MMP16: variants seen among roughly 807,000 people sequenced by gnomAD.
MMP16 encodes matrix metallopeptidase 16.
Under a neutral mutation model 67.8 loss-of-function variants are expected in MMP16, and 12 were observed. The observed-to-expected ratio is 0.18, with a 90% CI of 0.11 to 0.29. The LOEUF (loss-of-function observed/expected upper bound fraction) is 0.29. Ranked by LOEUF, MMP16 falls within the 10% of genes least tolerant of loss-of-function variation. MMP16 has a pLI of 1.00. For missense variants in MMP16, 475 were observed against 765.7 expected (o/e 0.62, Z 4.48); for synonymous variants, 249 against 255.9 (o/e 0.97, Z 0.26).
At chr8:88,179,703 C>G (rs1198446986) in intron 3 of MMP16, among the ~76,000 whole-genome samples, 2 of 152,058 alleles carry the variant, frequency 1.3e-5, no homozygotes, top group Non-Finnish European at 2.9e-5. Context: ...ATTAGAAACT[C>G]TGTTATATCT....
At chr8:88,076,654 G>A (rs1031948232) in intron 6 of MMP16, among the ~76,000 whole-genome samples, 23 of 151,940 alleles carry the variant, frequency 1.5e-4, no homozygotes, top group African/African-American at 5.6e-4. Context: ...AAAATATGTC[G>A]GTGATATTCT....
intron 6 of MMP16, among the ~76,000 whole-genome samples, chr8:88,075,135 C>G (rs1222741187): frequency 6.6e-6 from 1 of 152,084 alleles, no homozygotes; most frequent in Non-Finnish European, 1.5e-5. Flanking sequence ...AATCTCCACA[C>G]CTACCATGTT....
chr8:88,110,029 T>A (rs1203468313), intron 6 of MMP16, among the ~76,000 whole-genome samples: 2 of 151,324 alleles, frequency 1.3e-5, no homozygotes, highest in Non-Finnish European at 3.0e-5. Context: ...ATGCCTTATT[T>A]GGAATTTTAC....
intron 1 of MMP16, among the ~76,000 whole-genome samples, chr8:88,222,083 T>C (rs549396930): frequency 1.4e-4 from 21 of 152,132 alleles, no homozygotes; most frequent in Admixed American, 5.9e-4. Flanking sequence ...AATAGCATTT[T>C]ATTATTGGGA....
At chr8:88,051,858 C>A (rs989483776) in intron 8 of MMP16, among the ~76,000 whole-genome samples, 4 of 152,004 alleles carry the variant, frequency 2.6e-5, no homozygotes, top group Non-Finnish European at 5.9e-5. Flanking sequence ...AGAAACATAG[C>A]ATTTTAAGCT....
intron 4 of MMP16, among the ~76,000 whole-genome samples, chr8:88,143,911 T>C (rs1808251077): frequency 6.6e-6 from 1 of 152,000 alleles, no homozygotes; most frequent in Admixed American, 6.6e-5. Context: ...TATACCCAAT[T>C]TAATTTCTCT....
intron 4 of MMP16, among the ~76,000 whole-genome samples, chr8:88,158,617 C>T (rs1372210054): frequency 6.6e-6 from 1 of 152,262 alleles, no homozygotes; most frequent in East Asian, 1.9e-4. Flanking sequence ...CTGTAGGTTG[C>T]CTGTTCACTC....
intron 4 of MMP16, among the ~76,000 whole-genome samples, chr8:88,153,543 G>A (rs1264339564): frequency 6.6e-6 from 1 of 152,018 alleles, no homozygotes; most frequent in Non-Finnish European, 1.5e-5. Context: ...ACAGAACAGA[G>A]CCCTCAGAAA....
Position 88,077,266 on chromosome 8 carries a change from G to A in MMP16, c.1084-2523C>T, listed in dbSNP as rs139201656. Among the ~76,000 whole-genome samples, 22 of 152,270 alleles carry A rather than the reference G, an allele frequency of 1.4e-4. No individual in the cohort carries two copies. The East Asian group carries it at 3.7e-3, about 25-fold the overall frequency. On this transcript the variant is annotated intron_variant, in intron 6 of 9. Transcript: ENST00000286614. ...AATTTAGAAAGCATCTGTCACAGTG[G>A]ATGTAAACTCATGTCATGGTTACTA...
intron 1 of MMP16, among the ~76,000 whole-genome samples, chr8:88,313,439 C>T (rs977702262): frequency 6.6e-6 from 1 of 152,132 alleles, no homozygotes; most frequent in African/African-American, 2.4e-5. Flanking sequence ...CAATTATTTG[C>T]TCCTCTATAT....
intron 4 of MMP16, among the ~76,000 whole-genome samples, chr8:88,135,352 A>G (rs1162380125): frequency 6.6e-6 from 1 of 151,970 alleles, no homozygotes; most frequent in East Asian, 1.9e-4. Flanking sequence ...TCTGAGGTCA[A>G]TAAAATAAGG....
At position 88,110,008 on chromosome 8, in the gene MMP16, A is replaced by G. The variant is rs191225949; in HGVS notation, c.1083+6499T>C. 9.2e-3 allele frequency among the ~76,000 whole-genome samples: 1,399 copies of G among 151,408 alleles called. 30 individuals carry two copies. Among genetic ancestry groups the G allele is most frequent in the African/African-American group, 0.031 (1,290 of 41,484 alleles). ...ATATATCCTAAATTCCAAAATATGT[A>G]TATTTTGTATATGCCTTATTTGGAA... is the stretch of plus-strand genomic sequence containing the variant. On this transcript the variant is annotated intron_variant, in intron 6 of 9. Transcript: ENST00000286614.
chr8:88,197,115 G>T, intron 2 of MMP16, 43 bp downstream of exon 2: 1 of 1,591,000 alleles, frequency 6.3e-7, no homozygotes. Flanking sequence ...ACTTAGTTTG[G>T]CTCAAGGACC....
At chr8:88,196,505 A>G (rs1809259642) in intron 2 of MMP16, among the ~76,000 whole-genome samples, 1 of 152,138 alleles carries the variant, frequency 6.6e-6, no homozygotes, top group Non-Finnish European at 1.5e-5. Flanking sequence ...TAAAGCACCC[A>G]ATAAAGAGCT....
chr8:88,193,047 C>G (rs985958292), intron 2 of MMP16, among the ~76,000 whole-genome samples: 1 of 152,100 alleles, frequency 6.6e-6, no homozygotes, highest in African/African-American at 2.4e-5. Context: ...AACAATCCCA[C>G]TGCTGGGCAT....
At chr8:88,203,271 T>A (rs1809373303) in intron 1 of MMP16, among the ~76,000 whole-genome samples, 4 of 151,708 alleles carry the variant, frequency 2.6e-5, no homozygotes, top group Admixed American at 2.6e-4. Context: ...GGCCAGCAAT[T>A]TTTTTGTATT....
rs146578631 is a variant in MMP16, at chr8:88,190,004, A to G, written c.282-3406T>C. Among the ~76,000 whole-genome samples the G allele has an allele frequency of 2.6e-5, 4 of 152,324 alleles. No individual in the cohort carries two copies. The East Asian group carries it at 7.7e-4, about 29-fold the overall frequency. Reference sequence around the variant, plus strand: ...ATATACTGATCATTTCGACAATCCTATATATTTCTTGAGGACTTCATAACT... The same window carrying G: ...ATATACTGATCATTTCGACAATCCTGTATATTTCTTGAGGACTTCATAACT... On this transcript the variant is annotated intron_variant, in intron 2 of 9. Transcript: ENST00000286614.
intron 1 of MMP16, among the ~76,000 whole-genome samples, chr8:88,260,316 G>GT (rs1810367513): frequency 6.6e-6 from 1 of 151,404 alleles, no homozygotes; most frequent in South Asian, 2.1e-4. Flanking sequence ...TTTTTGTTTT[G>GT]TTTTTTACAA....
intron 6 of MMP16, among the ~76,000 whole-genome samples, chr8:88,100,385 A>T (rs901505731): frequency 1.1e-4 from 17 of 152,198 alleles, no homozygotes; most frequent in African/African-American, 4.1e-4. Flanking sequence ...AATGCTCATC[A>T]TCACTGGTCA....
Sources: gnomAD v4.1 joint callset for allele counts (sites outside exome capture counted in the v4.1 genomes callset) on GRCh38, gnomAD v4.1.1 for gene constraint, MANE v1.5 for transcripts, NCBI Gene and HGNC (gene_info 2026-07-23, HGNC 2026-07-21) for gene names.